The following SGIP1 variants were observed in gnomAD, a reference collection of about 807,000 sequenced individuals.
SGIP1 encodes SH3GL interacting endocytic adaptor 1.
In SGIP1, 38 loss-of-function variants were observed where a neutral mutation model predicts 107.5. The ratio of observed to expected loss-of-function variants is 0.35; its 90% CI spans 0.27 to 0.46. The LOEUF is 0.46. SGIP1 is among the 20% of genes least tolerant of loss of function. SGIP1 has a pLI of 1.00. For synonymous variants in SGIP1, 365 were observed against 366.1 expected (o/e 1.00, Z 0.03); for missense variants, 929 against 1,019.5 (o/e 0.91, Z 1.21).
intron 1 of SGIP1, among the ~76,000 whole-genome samples, chr1:66,590,043 G>A (rs2063367865): frequency 6.6e-6 from 1 of 152,156 alleles, no homozygotes; most frequent in Non-Finnish European, 1.5e-5. Flanking sequence ...GACCTCAAGT[G>A]ACTCTAGGTA....
At chr1:66,677,372 G>A (rs7542924) in intron 13 of SGIP1, among the ~76,000 whole-genome samples, 93,548 of 152,062 alleles carry the variant, frequency 0.62, 29,545 homozygotes, top group East Asian at 1. Context: ...TTCATTGTAC[G>A]TAAGTAAGAA....
chr1:66,558,713 C>T (rs1005479575), intron 1 of SGIP1, among the ~76,000 whole-genome samples: 1 of 151,436 alleles, frequency 6.6e-6, no homozygotes, highest in Non-Finnish European at 1.5e-5. Flanking sequence ...TGTGGGTTAG[C>T]TTAGCCTTCA....
chr1:66,738,867 G>A (rs908098950), intron 21 of SGIP1, among the ~76,000 whole-genome samples: 6 of 152,132 alleles, frequency 3.9e-5, no homozygotes, highest in African/African-American at 1.4e-4. Flanking sequence ...ATCCTGCTGA[G>A]TGTTTCACAA....
At chr1:66,668,064 A>G (rs865934008) in intron 9 of SGIP1, among the ~76,000 whole-genome samples, 1 of 152,190 alleles carries the variant, frequency 6.6e-6, no homozygotes, top group Admixed American at 6.5e-5. Flanking sequence ...TTTCAAGTCA[A>G]TATTCCTAGG....
chr1:66,590,969 G>C (rs1392633927), intron 1 of SGIP1, among the ~76,000 whole-genome samples: 1 of 152,118 alleles, frequency 6.6e-6, no homozygotes, highest in Non-Finnish European at 1.5e-5. Flanking sequence ...TTTTCAAACT[G>C]CCCCAACAAA....
chr1:66,735,642 A>G (rs2094200226), intron 21 of SGIP1, among the ~76,000 whole-genome samples: 1 of 30,982 alleles, frequency 3.2e-5, no homozygotes, highest in Non-Finnish European at 7.5e-5. Context: ...AACAAGGTGA[A>G]ACCCCGTCTC....
At chr1:66,691,583 C>T (rs2089866542) in intron 17 of SGIP1, among the ~76,000 whole-genome samples, 1 of 152,026 alleles carries the variant, frequency 6.6e-6, no homozygotes, top group Non-Finnish European at 1.5e-5. Context: ...GGCTTCCTAT[C>T]TTTGAATGCC....
intron 2 of SGIP1, chr1:66,628,544 C>T (rs1558124890): frequency 1.3e-5 from 2 of 154,804 alleles, no homozygotes; most frequent in Non-Finnish European, 2.9e-5. Context: ...CTCAGGAGAA[C>T]ATCGTTAATG....
chr1:66,568,022 T>TTTTTCTGA (rs1557912139), intron 1 of SGIP1, among the ~76,000 whole-genome samples: 1 of 152,152 alleles, frequency 6.6e-6, no homozygotes, highest in Non-Finnish European at 1.5e-5. Context: ...TTAAAGTAGT[T>TTTTTCTGA]TTTTCTGATT....
intron 1 of SGIP1, among the ~76,000 whole-genome samples, chr1:66,569,478 C>G (rs1021759757): frequency 7.3e-5 from 11 of 151,722 alleles, no homozygotes; most frequent in African/African-American, 2.7e-4. Flanking sequence ...TTTTCTGCAT[C>G]TATTGATTTA....
chr1:66,726,634 A>C (rs2093770326), intron 19 of SGIP1, among the ~76,000 whole-genome samples: 1 of 152,218 alleles, frequency 6.6e-6, no homozygotes. Flanking sequence ...AATTCGGTGG[A>C]GAAAGGACAG....
Position 66,719,167 on chromosome 1 carries a change from C to G in SGIP1, c.1631-127C>G, listed in dbSNP as rs1187596528. 5.1e-6 allele frequency: 3 copies of G among 585,118 alleles called. No homozygotes were observed. The African/African-American group carries it at 5.6e-5, about 11-fold the overall frequency. The allele number at this position is 585,118 out of a possible 1,614,324, so 36.2% of individuals were successfully genotyped here. On this transcript the variant is annotated intron_variant, in intron 18 of 24. Coordinates refer to ENST00000371037, the MANE Select transcript of SGIP1 (RefSeq NM_032291.4). ...ATGTTGAATATACAGAGTTACGGTTCTTAGCACATTTTGTTTTACATTAAG... is the reference window on the plus strand; with the variant it reads ...ATGTTGAATATACAGAGTTACGGTTGTTAGCACATTTTGTTTTACATTAAG...
chr1:66,538,818 G>A (rs1471741577), intron 1 of SGIP1, among the ~76,000 whole-genome samples: 1 of 152,120 alleles, frequency 6.6e-6, no homozygotes, highest in Non-Finnish European at 1.5e-5. Context: ...GAAAATTATG[G>A]CATTAAATGT....
intron 17 of SGIP1, chr1:66,694,460 A>G: frequency 6.2e-7 from 1 of 1,608,228 alleles, no homozygotes; most frequent in Non-Finnish European, 8.5e-7. Context: ...GATGTTTTTT[A>G]TGACAAACTG....
In SGIP1 at chr1:66,589,194, A is replaced by ATG. The variant is rs1227066875; in HGVS notation, c.11-36652_11-36651insGT. Reference sequence around the variant, plus strand: ...TATATATATATATATATATATATATATATATATATATATATATATATATGT... The same window carrying ATG: ...TATATATATATATATATATATATATATGTATATATATATATATATATATATGT... On this transcript the variant is annotated intron_variant, in intron 1 of 24. Coordinates refer to ENST00000371037, the MANE Select transcript of SGIP1 (RefSeq NM_032291.4). Among the ~76,000 whole-genome samples the ATG allele has an allele frequency of 2.0e-3, 130 of 66,464 alleles. 2 individuals are homozygous for ATG. The highest frequency in any genetic ancestry group is 5.9e-3 in the African/African-American group (113 of 19,222). The allele number at this position is 66,464 out of a possible 152,430, so 43.6% of individuals were successfully genotyped here.
intron 8 of SGIP1, among the ~76,000 whole-genome samples, chr1:66,663,860 T>C (rs1007501667): frequency 6.6e-6 from 1 of 152,218 alleles, no homozygotes; most frequent in African/African-American, 2.4e-5. Flanking sequence ...TTAATATATT[T>C]GAAATTATTT....
chr1:66,535,138 C>T (rs2053297379), intron 1 of SGIP1, among the ~76,000 whole-genome samples: 1 of 152,160 alleles, frequency 6.6e-6, no homozygotes, highest in Admixed American at 6.5e-5. Flanking sequence ...GCTATTTAAA[C>T]TATATTTTAT....
At chr1:66,712,242 CACCCCTGAGGG>C (rs551229212) in intron 18 of SGIP1, among the ~76,000 whole-genome samples, 9 of 152,190 alleles carry the variant, frequency 5.9e-5, no homozygotes, top group Non-Finnish European at 5.9e-5. Flanking sequence ...AATGCCACAA[CACCCCTGAGGG>C]AGCCACTAGT....
At chr1:66,634,198 G>T (rs548950395) in intron 3 of SGIP1, 29 of 1,571,942 alleles carry the variant, frequency 1.8e-5, no homozygotes, top group Middle Eastern at 1.8e-4. Flanking sequence ...CTTTGCTTCC[G>T]GCTTGGTCCC....
Sources: gnomAD v4.1 joint callset for allele counts (sites outside exome capture counted in the v4.1 genomes callset) on GRCh38, gnomAD v4.1.1 for gene constraint, MANE v1.5 for transcripts, NCBI Gene and HGNC (gene_info 2026-07-23, HGNC 2026-07-21) for gene names.